LYN: variants seen among roughly 807,000 people sequenced by gnomAD.
LYN encodes tyrosine-protein kinase Lyn.
LYN carries 12 observed loss-of-function variants against 65.0 expected under a neutral mutation model. The ratio of observed to expected loss-of-function variants is 0.18; its 90% CI spans 0.12 to 0.30. The LOEUF (loss-of-function observed/expected upper bound fraction) is 0.30. LYN is among the 10% of genes least tolerant of loss of function. The pLI is 1.00. For synonymous variants in LYN, 222 were observed against 221.2 expected (o/e 1.00, Z -0.03); for missense variants, 380 against 623.2 (o/e 0.61, Z 4.16).
intron 1 of LYN, among the ~76,000 whole-genome samples, chr8:55,911,082 C>T (rs370351987): frequency 0.64 from 18,270 of 28,546 alleles, 5,385 homozygotes; most frequent in African/African-American, 0.81. Flanking sequence ...TATATACATA[C>T]ATATATATAT....
intron 1 of LYN, among the ~76,000 whole-genome samples, chr8:55,891,093 C>T (rs191445305): frequency 1.7e-3 from 252 of 151,728 alleles, no homozygotes; most frequent in East Asian, 4.5e-3. Flanking sequence ...TGGCTCATGC[C>T]TGTAATCCCA....
At chr8:55,998,550 T>C (rs1050338158) in intron 11 of LYN, 51 bp downstream of exon 11, 3 of 1,547,266 alleles carry the variant, frequency 1.9e-6, no homozygotes, top group Non-Finnish European at 2.7e-6. Flanking sequence ...TTTTATTTTG[T>C]TTTTGTCTGT....
At chr8:55,901,306 T>A (rs1805254643) in intron 1 of LYN, among the ~76,000 whole-genome samples, 1 of 152,236 alleles carries the variant, frequency 6.6e-6, no homozygotes, top group East Asian at 1.9e-4. Context: ...CCTCCTTTCA[T>A]TACTGAGGCT....
intron 2 of LYN, among the ~76,000 whole-genome samples, chr8:55,945,425 A>G (rs1240806570): frequency 6.6e-6 from 1 of 152,252 alleles, no homozygotes; most frequent in Non-Finnish European, 1.5e-5. Flanking sequence ...GATAGTATGC[A>G]GCCATGGGTT....
intron 8 of LYN, among the ~76,000 whole-genome samples, chr8:55,959,556 T>G (rs1409337522): frequency 6.6e-6 from 1 of 152,190 alleles, no homozygotes; most frequent in Non-Finnish European, 1.5e-5. Context: ...AGGAAAGAAA[T>G]TGCCCAGGGT....
intron 1 of LYN, among the ~76,000 whole-genome samples, chr8:55,885,944 C>T (rs765784983): frequency 7.7e-5 from 10 of 130,004 alleles, no homozygotes; most frequent in Non-Finnish European, 1.5e-4. Context: ...TCGGTTTGCC[C>T]TTAAGTGAGG....
intron 10 of LYN, among the ~76,000 whole-genome samples, chr8:55,982,103 C>T (rs1474291467): frequency 6.6e-6 from 1 of 152,142 alleles, no homozygotes; most frequent in African/African-American, 2.4e-5. Flanking sequence ...GGGTGATGGG[C>T]TGGCGGATTC....
At chr8:56,008,123 A>AAATAAAAAAAT (rs1554519939) in intron 12 of LYN, among the ~76,000 whole-genome samples, 28 of 140,672 alleles carry the variant, frequency 2.0e-4, no homozygotes, top group African/African-American at 7.3e-4. Context: ...TGCCTCAAAA[A>AAATAAAAAAAT]AAAAATAAAA....
intron 1 of LYN, among the ~76,000 whole-genome samples, chr8:55,938,290 G>A (rs1473372493): frequency 3.3e-5 from 5 of 152,126 alleles, no homozygotes; most frequent in African/African-American, 9.7e-5. Flanking sequence ...AGTTGTATTT[G>A]CATGTCAAAG....
Position 56,010,181 on chromosome 8 carries a change from T to C in LYN, c.*71T>C. ...AGAGAGGAAAAGTAACCATCACTGGTTGCACTTATGATTTCATGTGCGGGG... is the reference window on the plus strand; with the variant it reads ...AGAGAGGAAAAGTAACCATCACTGGCTGCACTTATGATTTCATGTGCGGGG... On this transcript the variant is annotated 3_prime_UTR_variant, in exon 13 of 13. Transcript: ENST00000519728. 4 of 1,489,088 alleles carry C rather than the reference T, an allele frequency of 2.7e-6. No homozygotes were observed. Among genetic ancestry groups the C allele is most frequent in the African/African-American group, 2.8e-5 (2 of 72,486 alleles). The allele number at this position is 1,489,088 out of a possible 1,614,324, so 92.2% of individuals were successfully genotyped here. A position where few individuals can be genotyped will look rare whatever the true frequency, so the allele number is the denominator to read the frequency against.
intron 10 of LYN, among the ~76,000 whole-genome samples, chr8:55,977,945 G>C (rs1807803174): frequency 6.6e-6 from 1 of 151,980 alleles, no homozygotes; most frequent in Non-Finnish European, 1.5e-5. Context: ...AAAGCAAACA[G>C]AGCTCGTCTC....
chr8:55,954,120 TC>T, intron 8 of LYN, 136 bp downstream of exon 8: 1 of 969,830 alleles, frequency 1.0e-6, no homozygotes, highest in Non-Finnish European at 1.5e-6. Flanking sequence ...TTTTCCTCTG[TC>T]CATTGGGGCT....
chr8:56,010,656 A>AT lies in LYN; in HGVS notation c.*553dup, dbSNP rs150367348. On this transcript the variant is annotated 3_prime_UTR_variant, in exon 13 of 13. Coordinates refer to ENST00000519728, the MANE Select transcript of LYN (RefSeq NM_002350.4). Reference sequence around the variant, plus strand: ...AAAATGTCTTTCCCAGATTTCAATGATTTTTTTCCCCCTACCTCCCAAAAT... The same window carrying AT: ...AAAATGTCTTTCCCAGATTTCAATGATTTTTTTTCCCCCTACCTCCCAAAAT... The AT allele has an allele frequency of 1.3e-4, 29 of 231,788 alleles. No individual in the cohort carries two copies. Among genetic ancestry groups the AT allele is most frequent in the East Asian group, 1.2e-3 (19 of 15,990 alleles). The allele number at this position is 231,788 out of a possible 1,614,324, so 14.4% of individuals were successfully genotyped here.
intron 10 of LYN, among the ~76,000 whole-genome samples, chr8:55,986,319 T>C (rs576615793): frequency 2.0e-4 from 31 of 152,188 alleles, no homozygotes; most frequent in Non-Finnish European, 3.4e-4. Flanking sequence ...TTCCAGTTTC[T>C]CCACATCCTC....
chr8:55,961,969 T>G (rs1807292649), intron 8 of LYN, among the ~76,000 whole-genome samples: 1 of 152,124 alleles, frequency 6.6e-6, no homozygotes, highest in Non-Finnish European at 1.5e-5. Context: ...GCCACTTTTG[T>G]ATATGGGGAT....
At chr8:55,928,733 T>A (rs2130447237) in intron 1 of LYN, among the ~76,000 whole-genome samples, 1 of 152,296 alleles carries the variant, frequency 6.6e-6, no homozygotes, top group South Asian at 2.1e-4. Flanking sequence ...AGTTTTAGAT[T>A]TTAATGAAGT....
At chr8:55,960,373 G>T (rs1807238923) in intron 8 of LYN, among the ~76,000 whole-genome samples, 1 of 152,090 alleles carries the variant, frequency 6.6e-6, no homozygotes. Context: ...GGAAGGAAAA[G>T]AAGGGAAGGG....
chr8:55,903,541 T>C (rs978123381), intron 1 of LYN, among the ~76,000 whole-genome samples: 1 of 152,250 alleles, frequency 6.6e-6, no homozygotes, highest in Non-Finnish European at 1.5e-5. Context: ...TTGCTGCTTT[T>C]CTAAGTTTTC....
intron 8 of LYN, among the ~76,000 whole-genome samples, chr8:55,956,420 C>T (rs1807114000): frequency 1.3e-5 from 2 of 152,132 alleles, no homozygotes; most frequent in South Asian, 4.1e-4. Context: ...ATTAGCCGGT[C>T]CTATTCTTAA....
Sources: gnomAD v4.1 joint callset for allele counts (sites outside exome capture counted in the v4.1 genomes callset) on GRCh38, gnomAD v4.1.1 for gene constraint, MANE v1.5 for transcripts, NCBI Gene and HGNC (gene_info 2026-07-23, HGNC 2026-07-21) for gene names.